The following FOXP1 variants were observed in gnomAD, a reference collection of about 807,000 sequenced individuals.
FOXP1 encodes the protein forkhead box protein P1.
Under a neutral mutation model 98.2 loss-of-function variants are expected in FOXP1, and 15 were observed. The observed-to-expected ratio is 0.15, with a 90% CI of 0.10 to 0.24. FOXP1 has a LOEUF of 0.24. Ranked by LOEUF, FOXP1 falls within the 10% of genes least tolerant of loss-of-function variation. The pLI is 1.00. For missense variants in FOXP1, 633 were observed against 848.5 expected (o/e 0.75, Z 3.15); for synonymous variants, 371 against 314.5 (o/e 1.18, Z -1.90).
intron 11 of FOXP1, among the ~76,000 whole-genome samples, chr3:71,032,031 G>C (rs1429630536): frequency 6.6e-6 from 1 of 152,216 alleles, no homozygotes; most frequent in Non-Finnish European, 1.5e-5. Flanking sequence ...GAGTACATGT[G>C]AGTGTGTGTG....
chr3:71,002,436 G>A (rs2042235311), intron 12 of FOXP1, among the ~76,000 whole-genome samples: 1 of 152,286 alleles, frequency 6.6e-6, no homozygotes, highest in South Asian at 2.1e-4. Context: ...TGACTATGGT[G>A]TATTCTGTTT....
intron 7 of FOXP1, among the ~76,000 whole-genome samples, chr3:71,094,758 G>A (rs2056291777): frequency 6.6e-6 from 1 of 152,236 alleles, no homozygotes; most frequent in Non-Finnish European, 1.5e-5. Context: ...ACACCAGGAA[G>A]TGTTGGTTTG....
chr3:71,580,917 G>T, intron 2 of FOXP1: 1 of 985,344 alleles, frequency 1.0e-6, no homozygotes, highest in African/African-American at 1.7e-5. Context: ...TGACAAAAAA[G>T]AAAATGCTAA....
intron 3 of FOXP1, among the ~76,000 whole-genome samples, chr3:71,421,275 G>A (rs1188757064): frequency 7.0e-6 from 1 of 142,274 alleles, no homozygotes; most frequent in Non-Finnish European, 1.6e-5. Context: ...CCTTGATTCT[G>A]ACATCAGGAT....
chr3:71,404,095 AT>A (rs1189572684), intron 3 of FOXP1, among the ~76,000 whole-genome samples: 1 of 89,310 alleles, frequency 1.1e-5, no homozygotes, highest in African/African-American at 4.0e-5. Flanking sequence ...ATCCCCATGT[AT>A]TGGGGTTTTT....
chr3:71,452,772 A>G (rs2087080556), intron 3 of FOXP1, among the ~76,000 whole-genome samples: 1 of 152,210 alleles, frequency 6.6e-6, no homozygotes, highest in Admixed American at 6.5e-5. Flanking sequence ...TGGTGTTCCC[A>G]GAAAATGAAA....
At chr3:71,228,680 T>G (rs1022303387) in intron 5 of FOXP1, among the ~76,000 whole-genome samples, 1 of 152,190 alleles carries the variant, frequency 6.6e-6, no homozygotes, top group African/African-American at 2.4e-5. Context: ...CGATCCTGCA[T>G]CAATGAATCT....
chr3:71,506,855 A>G (rs2107268445), intron 2 of FOXP1, among the ~76,000 whole-genome samples: 1 of 152,336 alleles, frequency 6.6e-6, no homozygotes, highest in Non-Finnish European at 1.5e-5. Context: ...AATTCTGCAC[A>G]CTTTACAGTT....
At chr3:71,440,394 C>T (rs150331753) in intron 3 of FOXP1, among the ~76,000 whole-genome samples, 23 of 143,356 alleles carry the variant, frequency 1.6e-4, no homozygotes, top group Admixed American at 1.2e-3. Context: ...AGTGAGACAC[C>T]GTGCCGGGCG....
intron 4 of FOXP1, among the ~76,000 whole-genome samples, chr3:71,307,845 A>T (rs1041426072): frequency 6.6e-6 from 1 of 152,200 alleles, no homozygotes; most frequent in Non-Finnish European, 1.5e-5. Context: ...GCAACTGAAT[A>T]TATTATACAA....
At chr3:70,994,032 GAAAAAGAA>G (rs2041014597) in intron 13 of FOXP1, among the ~76,000 whole-genome samples, 1 of 143,434 alleles carries the variant, frequency 7.0e-6, no homozygotes, top group African/African-American at 2.5e-5. Flanking sequence ...AAAAGAAAAA[GAAAAAGAA>G]AAAAAAGTGA....
chr3:71,570,589 T>C (rs1316590797), intron 2 of FOXP1: 3 of 152,158 alleles, frequency 2.0e-5, no homozygotes, highest in African/African-American at 7.2e-5. Flanking sequence ...TGTTCGAAAA[T>C]ACAGAGGGAT....
At chr3:71,372,179 A>T (rs1577181917) in intron 3 of FOXP1, among the ~76,000 whole-genome samples, 4 of 140,414 alleles carry the variant, frequency 2.8e-5, no homozygotes, top group South Asian at 4.6e-4. Flanking sequence ...TTCCTGGCTA[A>T]TTTTTTTTTT....
At chr3:70,990,364 C>T (rs1162777740) in intron 13 of FOXP1, among the ~76,000 whole-genome samples, 3 of 152,180 alleles carry the variant, frequency 2.0e-5, no homozygotes, top group African/African-American at 7.2e-5. Context: ...GAAACCACAT[C>T]CTGTCTACAA....
In FOXP1 at chr3:71,125,728, G is replaced by A. The variant is rs561951766; in HGVS notation, c.181-13091C>T. ...GGCATGAAGAAGTAAGGATTCTCTG[G>A]GAATATGGGGGAATTACTGACCCTG... is the stretch of plus-strand genomic sequence containing the variant. On this transcript the variant is annotated intron_variant, in intron 6 of 20. Coordinates refer to ENST00000649528, the MANE Select transcript of FOXP1 (RefSeq NM_001349338.3). 3.3e-4 allele frequency among the ~76,000 whole-genome samples: 50 copies of A among 152,096 alleles called. 1 individual carries two copies. Among genetic ancestry groups the A allele is most frequent in the Non-Finnish European group, 5.6e-4 (38 of 68,008 alleles).
chr3:71,281,077 A>T (rs1375571141), intron 5 of FOXP1, among the ~76,000 whole-genome samples: 1 of 150,468 alleles, frequency 6.6e-6, no homozygotes, highest in African/African-American at 2.5e-5. Context: ...AGAAGAAGAA[A>T]AAGTAGCCAG....
intron 5 of FOXP1, among the ~76,000 whole-genome samples, chr3:71,199,364 C>T (rs936869474): frequency 3.3e-5 from 5 of 152,044 alleles, no homozygotes; most frequent in Non-Finnish European, 5.9e-5. Flanking sequence ...CTCGGCCTCC[C>T]GAAGTGCTGG....
intron 11 of FOXP1, among the ~76,000 whole-genome samples, chr3:71,037,292 A>G (rs1321053831): frequency 6.6e-6 from 1 of 152,222 alleles, no homozygotes; most frequent in Non-Finnish European, 1.5e-5. Context: ...AATTGCTATT[A>G]GTATTTACAT....
Position 71,300,821 on chromosome 3 carries a change from T to TTG in FOXP1, c.-72-942_-72-941insCA, listed in dbSNP as rs1483297057. ...AAAATGTTAATATCTTTTTGCTCAC[T>TTG]CTTCAGAATAGCATGTAATGAAGTG... is the stretch of plus-strand genomic sequence containing the variant. On this transcript the variant is annotated intron_variant, in intron 4 of 20. Transcript: ENST00000649528. 2.0e-5 allele frequency among the ~76,000 whole-genome samples: 3 copies of TTG among 152,250 alleles called. No homozygotes were observed. In the East Asian group the frequency reaches 5.8e-4, roughly 29 times the overall value.
Sources: gnomAD v4.1 joint callset for allele counts (sites outside exome capture counted in the v4.1 genomes callset) on GRCh38, gnomAD v4.1.1 for gene constraint, MANE v1.5 for transcripts, NCBI Gene and HGNC (gene_info 2026-07-23, HGNC 2026-07-21) for gene names.